ARSB: variants seen among roughly 807,000 people sequenced by gnomAD.
ARSB encodes N-acetylgalactosamine-4-sulfatase.
A neutral mutation model predicts 50.9 loss-of-function variants in ARSB; 41 were observed. The ratio of observed to expected loss-of-function variants is 0.81; its 90% CI spans 0.63 to 1.04. ARSB has a LOEUF of 1.04. Among genes scored for constraint, ARSB ranks in the 50% least tolerant of loss-of-function variants. The pLI is 0.00. For missense variants in ARSB, 672 were observed against 693.3 expected, an observed-to-expected ratio of 0.97 and a Z score of 0.35; for synonymous variants, 269 against 284.8, an observed-to-expected ratio of 0.94 and a Z score of 0.56.
chr5:78,928,948 C>A (rs1750189598), intron 4 of ARSB, among the ~76,000 whole-genome samples: 1 of 152,106 alleles, frequency 6.6e-6, no homozygotes, highest in Non-Finnish European at 1.5e-5. Flanking sequence ...CAGAACACAC[C>A]TTCACTTCCT....
At chr5:78,949,257 C>T (rs1751391345) in intron 4 of ARSB, among the ~76,000 whole-genome samples, 2 of 152,126 alleles carry the variant, frequency 1.3e-5, no homozygotes, top group African/African-American at 4.8e-5. Flanking sequence ...TATGCCTTTG[C>T]CTTTACCGAT....
At chr5:78,822,640 C>T (rs1229543282) in intron 6 of ARSB, among the ~76,000 whole-genome samples, 4 of 151,964 alleles carry the variant, frequency 2.6e-5, no homozygotes, top group South Asian at 2.1e-4. Context: ...TTTTTTTCTT[C>T]GTTTGTTTGT....
At chr5:78,784,521 G>A (rs963087824) in intron 6 of ARSB, among the ~76,000 whole-genome samples, 1 of 152,186 alleles carries the variant, frequency 6.6e-6, no homozygotes, top group African/African-American at 2.4e-5. Context: ...AGCCATCTAG[G>A]CCTAGAGTTT....
intron 6 of ARSB, among the ~76,000 whole-genome samples, chr5:78,813,571 A>G (rs899052685): frequency 2.6e-5 from 4 of 152,156 alleles, no homozygotes; most frequent in Non-Finnish European, 4.4e-5. Flanking sequence ...CAGCCTGGGC[A>G]GCAAAGTGAG....
chr5:78,878,973 C>G (rs1190618037), intron 5 of ARSB, among the ~76,000 whole-genome samples: 1 of 152,098 alleles, frequency 6.6e-6, no homozygotes, highest in Non-Finnish European at 1.5e-5. Context: ...CCTGCCTCAG[C>G]CTCCTGAGTA....
At chr5:78,854,966 A>T (rs1746064450) in intron 5 of ARSB, among the ~76,000 whole-genome samples, 1 of 152,148 alleles carries the variant, frequency 6.6e-6, no homozygotes, top group African/African-American at 2.4e-5. Context: ...GGCAGAACAC[A>T]GCTGTTATTT....
chr5:78,857,483 T>C (rs911085494), intron 5 of ARSB, among the ~76,000 whole-genome samples: 1 of 152,252 alleles, frequency 6.6e-6, no homozygotes, highest in Admixed American at 6.5e-5. Flanking sequence ...AAATAATGAC[T>C]GACGGTGTTA....
intron 4 of ARSB, among the ~76,000 whole-genome samples, chr5:78,890,058 G>A (rs961577777): frequency 1.3e-5 from 2 of 152,114 alleles, no homozygotes; most frequent in African/African-American, 4.8e-5. Flanking sequence ...CTTTGTCCCA[G>A]AAAAGTATCT....
chr5:78,862,125 C>G (rs1321719797), intron 5 of ARSB, among the ~76,000 whole-genome samples: 1 of 152,108 alleles, frequency 6.6e-6, no homozygotes, highest in Non-Finnish European at 1.5e-5. Flanking sequence ...AGGACACAAA[C>G]AAATGGGAGA....
At chr5:78,894,352 G>T (rs1337466667) in intron 4 of ARSB, among the ~76,000 whole-genome samples, 1 of 152,220 alleles carries the variant, frequency 6.6e-6, no homozygotes, top group African/African-American at 2.4e-5. Context: ...ATGATTCCAA[G>T]TATATAATAC....
intron 1 of ARSB, among the ~76,000 whole-genome samples, chr5:78,980,584 A>C (rs552204996): frequency 6.6e-6 from 1 of 152,340 alleles, no homozygotes; most frequent in South Asian, 2.1e-4. Context: ...GTTAAGTAAA[A>C]ACAAACAAAC....
rs529145292 is a variant in ARSB, at chr5:78,852,189, C to T, written c.1143-12763G>A. On this transcript the variant is annotated intron_variant, in intron 5 of 7. Transcript: ENST00000264914. ...TTTACAATTTGGCATGATTTTGCAGCGGCTGGTACCGATTGTTCCTTTCCA... is the reference window on the plus strand; with the variant it reads ...TTTACAATTTGGCATGATTTTGCAGTGGCTGGTACCGATTGTTCCTTTCCA... Among the ~76,000 whole-genome samples the T allele has an allele frequency of 5.1e-4, 78 of 152,252 alleles. 1 individual carries two copies. Among genetic ancestry groups the T allele is most frequent in the African/African-American group, 1.6e-3 (65 of 41,546 alleles).
chr5:78,827,480 G>A (rs748778943), intron 6 of ARSB, among the ~76,000 whole-genome samples: 1 of 152,078 alleles, frequency 6.6e-6, no homozygotes, highest in Non-Finnish European at 1.5e-5. Context: ...CAAAGTGCTG[G>A]GATTACAAGC....
At chr5:78,911,754 T>G (rs1412161282) in intron 4 of ARSB, among the ~76,000 whole-genome samples, 1 of 152,074 alleles carries the variant, frequency 6.6e-6, no homozygotes, top group Admixed American at 6.6e-5. Flanking sequence ...GAGACACAGC[T>G]TTCTATGGAT....
chr5:78,938,086 T>C (rs1580090842), intron 4 of ARSB, among the ~76,000 whole-genome samples: 1 of 152,272 alleles, frequency 6.6e-6, no homozygotes, highest in East Asian at 1.9e-4. Context: ...GGCCTGCCCA[T>C]GCTTTAACCC....
At chr5:78,927,219 T>C (rs1293393223) in intron 4 of ARSB, among the ~76,000 whole-genome samples, 6 of 152,224 alleles carry the variant, frequency 3.9e-5, no homozygotes, top group Non-Finnish European at 7.3e-5. Context: ...AAAAATATTA[T>C]CATTTCAATA....
At chr5:78,981,414 A>T (rs1284984325) in intron 1 of ARSB, among the ~76,000 whole-genome samples, 1 of 152,248 alleles carries the variant, frequency 6.6e-6, no homozygotes, top group Non-Finnish European at 1.5e-5. Context: ...GTCTCACTAT[A>T]AAAGGCTGAA....
intron 4 of ARSB, among the ~76,000 whole-genome samples, chr5:78,927,429 G>C (rs1009138749): frequency 3.3e-5 from 5 of 152,116 alleles, no homozygotes; most frequent in African/African-American, 1.2e-4. Flanking sequence ...ATGAAGGCCA[G>C]GGCACTATTT....
At chr5:78,880,884 A>G (rs1305387453) in intron 5 of ARSB, among the ~76,000 whole-genome samples, 1 of 152,106 alleles carries the variant, frequency 6.6e-6, no homozygotes, top group African/African-American at 2.4e-5. Context: ...AAAAAACATT[A>G]CTCCTCTGAT....
Sources: allele counts gnomAD v4.1 joint callset (sites outside exome capture counted in the v4.1 genomes callset), GRCh38; gene constraint gnomAD v4.1.1; transcripts MANE v1.5; gene names NCBI Gene and HGNC (gene_info 2026-07-23, HGNC 2026-07-21).